PCTP: variants seen among roughly 807,000 people sequenced by gnomAD.
PCTP encodes the protein START domain-containing protein 2.
In PCTP, 27 loss-of-function variants were observed where a neutral mutation model predicts 31.0. The observed-to-expected ratio is 0.87, with a 90% CI of 0.64 to 1.20. The LOEUF is 1.20. Ranked by LOEUF, PCTP falls within the 50% of genes most tolerant of loss-of-function variation. PCTP has a pLI of 0.00. For missense variants in PCTP, 287 were observed against 268.2 expected (o/e 1.07, Z -0.49); for synonymous variants, 108 against 101.2 (o/e 1.07, Z -0.40).
chr17:55,751,324 G>C lies in PCTP; in HGVS notation c.141+80G>C, dbSNP rs1462225815. 3 of 1,515,818 alleles carry C rather than the reference G, an allele frequency of 2.0e-6. No individual in the cohort carries two copies. The African/African-American group carries it at 4.2e-5, about 21-fold the overall frequency. 93.9% of individuals were successfully genotyped at this position (1,515,818 alleles called of 1,614,324 possible). Reference sequence around the variant, plus strand: ...TCCCCGCAGGGAGTGCGGGGCGGCAGTCGCGGAAGGGACAGGGGCGCGTCT... The same window carrying C: ...TCCCCGCAGGGAGTGCGGGGCGGCACTCGCGGAAGGGACAGGGGCGCGTCT... On this transcript the variant is annotated intron_variant, in intron 1 of 5. Transcript: ENST00000268896.
chr17:55,763,438 T>C (rs904091179), intron 1 of PCTP, among the ~76,000 whole-genome samples: 4 of 151,974 alleles, frequency 2.6e-5, no homozygotes, highest in Non-Finnish European at 5.9e-5. Context: ...AAGAAAACAT[T>C]TGTAGTAAAA....
chr17:55,799,069 T>TG lies in PCTP; in HGVS notation c.317+11423dup, dbSNP rs374610338. ...ATTTGTAAAAGGATTAGTAAGCTAA[T>TG]GGGGGGGGAATGCAATAATAAAGAA... On this transcript the variant is annotated intron_variant, in intron 3 of 3. Coordinates refer to the PCTP transcript ENST00000572536. Among the ~76,000 whole-genome samples, 355 of 151,232 alleles carry TG rather than the reference T, an allele frequency of 2.3e-3. 4 individuals carry two copies. The highest frequency in any genetic ancestry group is 0.01 in the Middle Eastern group (3 of 292).
intron 3 of PCTP, among the ~76,000 whole-genome samples, chr17:55,792,488 A>G (rs928952681): frequency 1.3e-5 from 2 of 152,084 alleles, no homozygotes; most frequent in African/African-American, 2.4e-5. Flanking sequence ...AAAATAAAAT[A>G]AAATATCTCA....
chr17:55,852,160 G>A, the PCTP span, among the ~76,000 whole-genome samples: 1 of 152,108 alleles, frequency 6.6e-6, no homozygotes, highest in Non-Finnish European at 1.5e-5. Context: ...TTCTGTTGAA[G>A]TAATATATAC....
intron 3 of PCTP, among the ~76,000 whole-genome samples, chr17:55,797,365 T>G (rs889372460): frequency 2.0e-5 from 3 of 152,086 alleles, no homozygotes; most frequent in Admixed American, 2.0e-4. Flanking sequence ...TTTTGTGAAT[T>G]TATAAGTGAA....
the PCTP span, among the ~76,000 whole-genome samples, chr17:55,851,904 C>T: frequency 2.0e-5 from 3 of 152,052 alleles, no homozygotes; most frequent in Admixed American, 6.5e-5. Flanking sequence ...GATCTCATCT[C>T]CCTGCCTTCC....
At chr17:55,849,321 C>A in the PCTP span, among the ~76,000 whole-genome samples, 1 of 152,050 alleles carries the variant, frequency 6.6e-6, no homozygotes, top group Non-Finnish European at 1.5e-5. Context: ...TTCTACCAAA[C>A]ATTTAAAAAA....
intron 2 of PCTP, 192 bp from the exon 3 acceptor site, chr17:55,770,914 A>G (rs369620242): frequency 4.8e-6 from 2 of 415,432 alleles, no homozygotes; most frequent in Non-Finnish European, 8.6e-6. Context: ...TTTTTTATAT[A>G]TAGAGATGGG....
chr17:55,760,993 G>C (rs2144924342), intron 1 of PCTP, among the ~76,000 whole-genome samples: 1 of 152,290 alleles, frequency 6.6e-6, no homozygotes, highest in South Asian at 2.1e-4. Context: ...TTGTGGTCTG[G>C]AACAATGATT....
downstream of PCTP, among the ~76,000 whole-genome samples, chr17:55,778,566 C>G (rs1490801996): frequency 6.6e-6 from 1 of 150,398 alleles, no homozygotes; most frequent in Non-Finnish European, 1.5e-5. Context: ...AGGCTCAATC[C>G]CCATGGATTC....
At chr17:55,819,862 C>T (rs111990140) in intron 3 of PCTP, among the ~76,000 whole-genome samples, 3 of 151,942 alleles carry the variant, frequency 2.0e-5, no homozygotes, top group African/African-American at 7.2e-5. Context: ...AGAAATAAAC[C>T]CTCTCAATTA....
intron 5 of PCTP, among the ~76,000 whole-genome samples, chr17:55,829,221 A>T (rs1598020740): frequency 1.3e-5 from 2 of 152,070 alleles, no homozygotes; most frequent in South Asian, 4.2e-4. Context: ...TGAAAAAAAA[A>T]AAAAATAAAG....
At chr17:55,820,587 A>G (rs1598016929) in intron 3 of PCTP, among the ~76,000 whole-genome samples, 2 of 152,228 alleles carry the variant, frequency 1.3e-5, no homozygotes, top group Non-Finnish European at 2.9e-5. Flanking sequence ...TCTTAATACT[A>G]TCACATTGGT....
In PCTP at chr17:55,799,241, C is replaced by T. The variant is rs907344447; in HGVS notation, c.317+11587C>T. On this transcript the variant is annotated intron_variant, in intron 3 of 3. Coordinates refer to the PCTP transcript ENST00000572536. ...TTTTTAGATGAAAAGAGAAGCACAA[C>T]TATTTGCTGCTTAAAAGAGACATAA... 2.0e-5 allele frequency among the ~76,000 whole-genome samples: 3 copies of T among 151,950 alleles called. No individual in the cohort carries two copies. The East Asian group carries it at 5.8e-4, about 29-fold the overall frequency.
chr17:55,797,936 C>T (rs1912236912), intron 3 of PCTP, among the ~76,000 whole-genome samples: 1 of 151,674 alleles, frequency 6.6e-6, no homozygotes, highest in Non-Finnish European at 1.5e-5. Context: ...GGTAGGAGAT[C>T]CAGATACTAA....
chr17:55,753,025 A>G (rs1909794976), intron 1 of PCTP, among the ~76,000 whole-genome samples: 2 of 152,214 alleles, frequency 1.3e-5, no homozygotes, highest in African/African-American at 2.4e-5. Flanking sequence ...TGCTGGGATT[A>G]CAGGGATGAG....
At chr17:55,775,306 A>G (rs1158690189) in intron 5 of PCTP, 69 of 1,230,408 alleles carry the variant, frequency 5.6e-5, no homozygotes, top group Non-Finnish European at 6.9e-5. Context: ...CTTTTTCTCT[A>G]TAAGGGAGGG....
intron 1 of PCTP, among the ~76,000 whole-genome samples, chr17:55,752,708 C>T (rs1033327237): frequency 3.3e-5 from 5 of 152,136 alleles, no homozygotes; most frequent in African/African-American, 4.8e-5. Context: ...GCCATATTTA[C>T]TTTTTTTCTG....
intron 2 of PCTP, among the ~76,000 whole-genome samples, chr17:55,784,750 G>T (rs867611126): frequency 2.0e-5 from 3 of 152,242 alleles, no homozygotes; most frequent in African/African-American, 7.2e-5. Flanking sequence ...CTCTTCTGCT[G>T]TAATGCATCC....
Sources: allele counts gnomAD v4.1 joint callset (sites outside exome capture counted in the v4.1 genomes callset), GRCh38; gene constraint gnomAD v4.1.1; transcripts MANE v1.5; gene names NCBI Gene and HGNC (gene_info 2026-07-23, HGNC 2026-07-21).